The following SKAP2 variants were observed in gnomAD, a reference collection of about 807,000 sequenced individuals.
The protein encoded by SKAP2 is src kinase-associated phosphoprotein 2.
In SKAP2, 28 loss-of-function variants were observed where a neutral mutation model predicts 54.9. That is an observed-to-expected ratio of 0.51 (90% confidence interval 0.38 to 0.70). The LOEUF (loss-of-function observed/expected upper bound fraction) is 0.70. Ranked by LOEUF, SKAP2 falls within the 30% of genes least tolerant of loss-of-function variation. The probability of loss-of-function intolerance (pLI) is 0.00; values close to 1 mark genes in which losing one functional copy is unlikely to be tolerated. For missense variants in SKAP2, 356 were observed against 424.1 expected, an observed-to-expected ratio of 0.84 and a Z score of 1.41; for synonymous variants, 137 against 134.3, an observed-to-expected ratio of 1.02 and a Z score of -0.14.
intron 4 of SKAP2, among the ~76,000 whole-genome samples, chr7:26,833,063 A>C (rs984406016): frequency 6.6e-6 from 1 of 152,172 alleles, no homozygotes; most frequent in African/African-American, 2.4e-5. Context: ...GAAGCTGAGC[A>C]GTGTGTCAGA....
At chr7:26,701,881 T>C (rs1787035180) in intron 9 of SKAP2, among the ~76,000 whole-genome samples, 1 of 146,894 alleles carries the variant, frequency 6.8e-6, no homozygotes, top group South Asian at 2.1e-4. Flanking sequence ...TTAAAAATAC[T>C]TGTTTGTCAT....
chr7:26,863,854 G>A (rs1584433602), intron 1 of SKAP2, among the ~76,000 whole-genome samples: 1 of 152,172 alleles, frequency 6.6e-6, no homozygotes, highest in Middle Eastern at 3.4e-3. Context: ...GGGAGTTTTA[G>A]AAATGACAAA....
intron 9 of SKAP2, among the ~76,000 whole-genome samples, chr7:26,714,498 T>C (rs940862299): frequency 3.9e-5 from 6 of 152,188 alleles, no homozygotes; most frequent in African/African-American, 1.2e-4. Context: ...TTAAATTGGA[T>C]TTTTTCCCAT....
At chr7:26,703,524 T>C (rs770448451) in intron 9 of SKAP2, among the ~76,000 whole-genome samples, 8 of 152,200 alleles carry the variant, frequency 5.3e-5, no homozygotes, top group Non-Finnish European at 1.2e-4. Context: ...ACTATATAAA[T>C]GCAATATAAT....
the SKAP2 span, among the ~76,000 whole-genome samples, chr7:26,657,712 A>G: frequency 6.6e-6 from 1 of 151,498 alleles, no homozygotes; most frequent in African/African-American, 2.4e-5. Context: ...AGCTGAGATG[A>G]GCCAAAGAAA....
chr7:26,682,069 A>C (rs1458741003), intron 11 of SKAP2, among the ~76,000 whole-genome samples: 1 of 152,194 alleles, frequency 6.6e-6, no homozygotes, highest in East Asian at 1.9e-4. Context: ...TAACTCTGAG[A>C]AACTCAATTA....
chr7:26,676,716 T>G (rs1033789163), intron 11 of SKAP2, among the ~76,000 whole-genome samples: 4 of 152,154 alleles, frequency 2.6e-5, no homozygotes, highest in Non-Finnish European at 2.9e-5. Flanking sequence ...AGTGTCTACC[T>G]CAAGAAGTTC....
chr7:26,725,932 C>A lies in SKAP2; in HGVS notation c.649G>T (p.Val217Leu). 6.2e-7 allele frequency: 1 copy of A among 1,608,624 alleles called. No homozygotes were observed. Among genetic ancestry groups the A allele is most frequent in the South Asian group, 1.1e-5 (1 of 90,990 alleles). Residue 217 changes from valine (V) to leucine (L), a missense_variant, in exon 8 of 13, where the codon GTA becomes TTA. Val to Leu is a conservative substitution (Grantham distance 32). Transcript: ENST00000345317. ...GATTGATTTATCTTACCTTGCAATA[C>A]AAATTTCAGCTGCTGTACCCATTCT... ...AEEWVQQLKF[V>L]LQDMESDIIP...
chr7:26,773,166 CACA>C (rs1783225779), intron 4 of SKAP2, among the ~76,000 whole-genome samples: 2 of 152,220 alleles, frequency 1.3e-5, no homozygotes, highest in South Asian at 4.1e-4. Flanking sequence ...CTAGCAGCCA[CACA>C]ACATTACTGC....
chr7:26,668,838 A>G lies in SKAP2; in HGVS notation c.*828T>C, dbSNP rs993228060. ...ACATTACCACACTTGGCTAATTTTT[A>G]GTAGAGACAGGGTTTCACCATGTTG... On this transcript the variant is annotated 3_prime_UTR_variant, in exon 13 of 13. Coordinates refer to ENST00000345317, the MANE Select transcript of SKAP2 (RefSeq NM_003930.5). 1 of 151,908 alleles carries G rather than the reference A, an allele frequency of 6.6e-6. No individual in the cohort carries two copies. Among genetic ancestry groups the G allele is most frequent in the African/African-American group, 2.4e-5 (1 of 41,364 alleles). 9.4% of individuals were successfully genotyped at this position (151,908 alleles called of 1,614,324 possible).
intron 4 of SKAP2, among the ~76,000 whole-genome samples, chr7:26,795,416 G>A (rs1783755234): frequency 6.6e-6 from 1 of 152,046 alleles, no homozygotes; most frequent in African/African-American, 2.4e-5. Flanking sequence ...TAATCTTATC[G>A]TAGATCATAG....
At chr7:26,720,051 A>AACACACACACACAC (rs57945020) in intron 9 of SKAP2, among the ~76,000 whole-genome samples, 4 of 141,718 alleles carry the variant, frequency 2.8e-5, no homozygotes, top group African/African-American at 7.9e-5. Flanking sequence ...ACATATCTGT[A>AACACACACACACAC]ACACACACAC....
At chr7:26,721,538 T>TA (rs1787576985) in intron 9 of SKAP2, among the ~76,000 whole-genome samples, 1 of 152,046 alleles carries the variant, frequency 6.6e-6, no homozygotes, top group South Asian at 2.1e-4. Flanking sequence ...TCATTGTAAT[T>TA]TAAAAAAAAA....
intron 4 of SKAP2, among the ~76,000 whole-genome samples, chr7:26,760,872 A>G (rs1782912724): frequency 6.6e-6 from 1 of 152,224 alleles, no homozygotes; most frequent in Admixed American, 6.5e-5. Flanking sequence ...ACCAGAAGCC[A>G]AAAGCATATA....
At chr7:26,671,208 A>G (rs1210250312) in intron 11 of SKAP2, among the ~76,000 whole-genome samples, 4 of 152,236 alleles carry the variant, frequency 2.6e-5, no homozygotes, top group Non-Finnish European at 4.4e-5. Flanking sequence ...TTCAAGAATA[A>G]TATCTTCCAA....
At chr7:26,802,569 C>A (rs1783938514) in intron 4 of SKAP2, among the ~76,000 whole-genome samples, 2 of 152,110 alleles carry the variant, frequency 1.3e-5, no homozygotes, top group Non-Finnish European at 2.9e-5. Flanking sequence ...CCACACCCAG[C>A]CAAGACAGTC....
chr7:26,738,192 A>C (rs1252951435), intron 6 of SKAP2, among the ~76,000 whole-genome samples: 1 of 152,194 alleles, frequency 6.6e-6, no homozygotes. Flanking sequence ...AAGTCACTTA[A>C]CCTCTCTGTT....
chr7:26,742,685 T>G (rs1584363093), intron 4 of SKAP2, among the ~76,000 whole-genome samples: 1 of 152,268 alleles, frequency 6.6e-6, no homozygotes, highest in East Asian at 1.9e-4. Flanking sequence ...TATTGCTGTT[T>G]GTCCAATATC....
intron 4 of SKAP2, among the ~76,000 whole-genome samples, chr7:26,806,286 C>G (rs1364993464): frequency 6.6e-6 from 1 of 152,150 alleles, no homozygotes; most frequent in East Asian, 1.9e-4. Context: ...AAAAGCTAGA[C>G]TCACTTTTGT....
Sources: gnomAD v4.1 joint callset for allele counts (sites outside exome capture counted in the v4.1 genomes callset) on GRCh38, gnomAD v4.1.1 for gene constraint, MANE v1.5 for transcripts, NCBI Gene and HGNC (gene_info 2026-07-23, HGNC 2026-07-21) for gene names.